The following MYH11 variants were observed in gnomAD, a reference collection of about 807,000 sequenced individuals.
The protein encoded by MYH11 is myosin heavy chain 11.
In MYH11, 80 loss-of-function variants were observed where a neutral mutation model predicts 246.6. That is an observed-to-expected ratio of 0.32 (90% CI 0.27 to 0.39). The LOEUF is 0.39. Among genes scored for constraint, MYH11 ranks in the 10% least tolerant of loss-of-function variants. MYH11 has a pLI of 1.00. For missense variants in MYH11, 2,158 were observed against 2,546.8 expected, an observed-to-expected ratio of 0.85 and a Z score of 3.29; for synonymous variants, 1,071 against 1,015.5, an observed-to-expected ratio of 1.05 and a Z score of -1.04.
intron 3 of MYH11, among the ~76,000 whole-genome samples, chr16:15,812,327 A>G (rs560861941): frequency 1.3e-5 from 2 of 152,142 alleles, no homozygotes; most frequent in Non-Finnish European, 2.9e-5. Context: ...CCTTGTAAGC[A>G]TATGCTGAGG....
chr16:15,808,954 C>T (rs1198903442), intron 3 of MYH11, among the ~76,000 whole-genome samples: 1 of 152,058 alleles, frequency 6.6e-6, no homozygotes, highest in Admixed American at 6.5e-5. Context: ...GTGTAGGAGA[C>T]AGGAAAACCA....
chr16:15,708,894 C>T, intron 40 of MYH11: 2 of 1,525,608 alleles, frequency 1.3e-6, no homozygotes, highest in South Asian at 2.3e-5. Context: ...AAGAAGGAGC[C>T]CGGTTAAGTA....
chr16:15,768,044 C>G (rs1030047049), intron 9 of MYH11, among the ~76,000 whole-genome samples: 1 of 152,056 alleles, frequency 6.6e-6, no homozygotes, highest in Non-Finnish European at 1.5e-5. Flanking sequence ...TCCCAAAGTG[C>G]TGGGATTACA....
intron 6 of MYH11, among the ~76,000 whole-genome samples, chr16:15,780,774 T>G (rs955655038): frequency 6.6e-6 from 1 of 152,058 alleles, no homozygotes; most frequent in Non-Finnish European, 1.5e-5. Context: ...TGAGCCACTC[T>G]GTGCCTGGTC....
chr16:15,759,390 C>T (rs2041813801), intron 12 of MYH11, among the ~76,000 whole-genome samples, 186 bp downstream of exon 12: 1 of 152,006 alleles, frequency 6.6e-6, no homozygotes, highest in South Asian at 2.1e-4. Context: ...CTTCTCAGTT[C>T]CAGAAACCAA....
intron 4 of MYH11, among the ~76,000 whole-genome samples, chr16:15,798,389 G>A (rs1254274847): frequency 6.6e-6 from 1 of 152,104 alleles, no homozygotes; most frequent in Non-Finnish European, 1.5e-5. Flanking sequence ...TTCAATAAAT[G>A]CTAGTTTTTT....
Position 15,737,518 on chromosome 16 carries a change from T to C in MYH11, c.3224A>G (p.Gln1075Arg). 6.2e-7 allele frequency: 1 copy of C among 1,614,034 alleles called. No homozygotes were observed. The highest frequency in any genetic ancestry group is 1.1e-5 in the South Asian group (1 of 91,086). Residue 1075 changes from glutamine to arginine, a missense_variant, in exon 25 of 41, where the codon CAG becomes CGG. Physicochemically the swap from Gln to Arg is conservative, Grantham distance 43 (BLOSUM62 1). Transcript: ENST00000300036. Reference sequence around the variant, plus strand: ...CATCTTGAGCTCTGCGATCTGCGCCTGGAGGTCAGCGATCTGCTCGTGGAA... The same window carrying C: ...CATCTTGAGCTCTGCGATCTGCGCCCGGAGGTCAGCGATCTGCTCGTGGAA... Reference protein sequence around the residue: ...SDFHEQIADLQAQIAELKMQL... With the variant: ...SDFHEQIADLRAQIAELKMQL...
At chr16:15,784,781 G>C in intron 5 of MYH11, 1 of 1,594,934 alleles carries the variant, frequency 6.3e-7, no homozygotes, top group African/African-American at 1.3e-5. Context: ...TGGACATCAG[G>C]GGCTGGAGAA....
chr16:15,751,280 C>T (rs1334469756), intron 15 of MYH11, among the ~76,000 whole-genome samples: 2 of 152,084 alleles, frequency 1.3e-5, no homozygotes, highest in East Asian at 3.9e-4. Context: ...CCCGCCTCAG[C>T]CTCCCAGTAG....
At chr16:15,790,702 G>A (rs774558157) in intron 4 of MYH11, among the ~76,000 whole-genome samples, 6 of 152,058 alleles carry the variant, frequency 3.9e-5, no homozygotes, top group Non-Finnish European at 7.4e-5. Flanking sequence ...CCCTCTTCCC[G>A]GAGAAGGACC....
intron 8 of MYH11, among the ~76,000 whole-genome samples, chr16:15,774,786 A>C (rs2042181282): frequency 6.6e-6 from 1 of 152,076 alleles, no homozygotes; most frequent in Non-Finnish European, 1.5e-5. Context: ...ACAGGGTTTC[A>C]CTATCTTGGC....
At chr16:15,726,386 CT>C (rs1413829536) in intron 28 of MYH11, 1 of 151,182 alleles carries the variant, frequency 6.6e-6, no homozygotes, top group African/African-American at 2.7e-5. Flanking sequence ...TTTTTTTTTC[CT>C]GAGACAGAGT....
In MYH11 at chr16:15,823,277, C is replaced by T. The variant is rs544644151; in HGVS notation, c.480G>A (p.Thr160=). Residue 160 remains threonine, a synonymous_variant, in exon 3 of 41, where the codon ACG becomes ACA. Transcript: ENST00000300036. The part of the protein sequence containing the change: ...MPPHIYAIAD[T]AYRSMLQDRE... ...CACCTTGAAGCATGCTCCGGTAGGC[C>T]GTGTCTGCGATGGCGTAGATGTGAG... The T allele has an allele frequency of 2.2e-5, 36 of 1,614,176 alleles. No homozygotes were observed. Among genetic ancestry groups the T allele is most frequent in the Middle Eastern group, 1.6e-4 (1 of 6,062 alleles).
chr16:15,788,802 G>GTGTGTGTGTGTGTGTA (rs1172474033), intron 4 of MYH11, among the ~76,000 whole-genome samples: 3 of 104,660 alleles, frequency 2.9e-5, no homozygotes, highest in African/African-American at 1.1e-4. Context: ...GAATATATGT[G>GTGTGTGTGTGTGTGTA]TGTGTGTGTG....
At chr16:15,777,090 T>TACACATGCAGACATAC (rs1329920029) in intron 7 of MYH11, among the ~76,000 whole-genome samples, 9 of 133,202 alleles carry the variant, frequency 6.8e-5, no homozygotes, top group African/African-American at 2.9e-4. Flanking sequence ...TACATGGGTA[T>TACACATGCAGACATAC]ACACACGCAC....
At position 15,759,657 on chromosome 16, in the gene MYH11, C is replaced by T. The variant is rs1281127390; in HGVS notation, c.1320G>A (p.Val440=). 3.7e-6 allele frequency: 6 copies of T among 1,614,070 alleles called. No homozygotes were observed. In the Admixed American group the frequency reaches 1.0e-4, roughly 27 times the overall value. The part of the protein sequence containing the change: ...ERLFRWILTR[V]NKALDKTHRQ... ...GATGGGTCTTGTCCAGGGCTTTGTTCACGCGGGTGAGTATCCAGCGGAAAA... is the reference window on the plus strand; with the variant it reads ...GATGGGTCTTGTCCAGGGCTTTGTTTACGCGGGTGAGTATCCAGCGGAAAA... The change falls in exon 12 of 41, where the codon GTG becomes GTA. Residue 440 remains valine, a synonymous_variant. Transcript: ENST00000300036.
intron 2 of MYH11, 135 bp from the exon 3 acceptor site, chr16:15,823,546 A>T: frequency 9.0e-7 from 1 of 1,109,954 alleles, no homozygotes; most frequent in Non-Finnish European, 1.4e-6. Context: ...GGCCTCACTG[A>T]TATTCCAGGT....
chr16:15,856,344 A>AC (rs2044470031), intron 1 of MYH11, among the ~76,000 whole-genome samples: 1 of 150,472 alleles, frequency 6.6e-6, no homozygotes, highest in Non-Finnish European at 1.5e-5. Context: ...AAAAAAAAAA[A>AC]ACAACAACAC....
intron 36 of MYH11, 165 bp from the exon 37 acceptor site, chr16:15,718,603 G>A (rs1567690439): frequency 1.9e-6 from 2 of 1,064,568 alleles, no homozygotes; most frequent in Non-Finnish European, 2.6e-6. Flanking sequence ...GCCAGGAAGT[G>A]GACAGCCGGG....
Sources: gnomAD v4.1 joint callset for allele counts (sites outside exome capture counted in the v4.1 genomes callset) on GRCh38, gnomAD v4.1.1 for gene constraint, MANE v1.5 for transcripts, NCBI Gene and HGNC (gene_info 2026-07-23, HGNC 2026-07-21) for gene names.